ST6GALNAC3: variants seen among roughly 807,000 people sequenced by gnomAD.
ST6GALNAC3 encodes the protein ST6 N-acetylgalactosaminide alpha-2,6-sialyltransferase 3, also known as alpha-N-acetylgalactosaminide alpha-2,6-sialyltransferase 3.
ST6GALNAC3 carries 25 observed loss-of-function variants against 32.7 expected under a neutral mutation model. The observed-to-expected ratio is 0.76, with a 90% confidence interval of 0.56 to 1.07. ST6GALNAC3 has a LOEUF of 1.07. Ranked by LOEUF, ST6GALNAC3 falls within the 50% of genes least tolerant of loss-of-function variation. The probability of loss-of-function intolerance (pLI) is 0.00; values close to 1 mark genes in which losing one functional copy is unlikely to be tolerated. For missense variants in ST6GALNAC3, 355 were observed against 382.4 expected (o/e 0.93, Z 0.60); for synonymous variants, 129 against 133.1 (o/e 0.97, Z 0.21).
chr1:76,446,122 T>C (rs1015966574), intron 3 of ST6GALNAC3, among the ~76,000 whole-genome samples: 1 of 152,248 alleles, frequency 6.6e-6, no homozygotes, highest in African/African-American at 2.4e-5. Flanking sequence ...TGGTTACATT[T>C]ATTTTGTTGA....
intron 1 of ST6GALNAC3, among the ~76,000 whole-genome samples, chr1:76,229,379 C>G (rs1417579459): frequency 2.6e-5 from 4 of 152,242 alleles, no homozygotes; most frequent in Non-Finnish European, 5.9e-5. Flanking sequence ...GACAGGATGC[C>G]CCACTTCCTG....
chr1:76,436,281 T>C (rs1352468829), intron 3 of ST6GALNAC3, among the ~76,000 whole-genome samples: 1 of 152,136 alleles, frequency 6.6e-6, no homozygotes, highest in Non-Finnish European at 1.5e-5. Flanking sequence ...GACAGCTGAT[T>C]GAGGATGGCA....
intron 2 of ST6GALNAC3, among the ~76,000 whole-genome samples, chr1:76,337,496 G>T (rs988522742): frequency 2.0e-5 from 3 of 152,218 alleles, no homozygotes; most frequent in Middle Eastern, 3.4e-3. Context: ...CCATTCGGGG[G>T]TGTCTTCTTC....
intron 3 of ST6GALNAC3, among the ~76,000 whole-genome samples, chr1:76,566,802 G>C (rs1160278429): frequency 1.3e-5 from 2 of 152,144 alleles, no homozygotes. Flanking sequence ...TTACATGAGA[G>C]GAGGTTTGCT....
intron 3 of ST6GALNAC3, among the ~76,000 whole-genome samples, chr1:76,570,604 A>G (rs1479531158): frequency 6.6e-6 from 1 of 152,110 alleles, no homozygotes; most frequent in Non-Finnish European, 1.5e-5. Context: ...TTGATTCTTT[A>G]TACTAACACA....
intron 1 of ST6GALNAC3, among the ~76,000 whole-genome samples, chr1:76,180,119 T>C (rs1653084952): frequency 6.6e-6 from 1 of 152,234 alleles, no homozygotes; most frequent in Non-Finnish European, 1.5e-5. Flanking sequence ...ACATTTTGTT[T>C]ACTGCAGATC....
chr1:76,129,013 G>A (rs973893295), intron 1 of ST6GALNAC3, among the ~76,000 whole-genome samples: 1 of 152,186 alleles, frequency 6.6e-6, no homozygotes, highest in East Asian at 1.9e-4. Context: ...CACCTCTGCA[G>A]GAACACATTG....
At chr1:76,241,574 C>T (rs949296249) in intron 1 of ST6GALNAC3, among the ~76,000 whole-genome samples, 30 of 152,120 alleles carry the variant, frequency 2.0e-4, no homozygotes, top group Non-Finnish European at 5.9e-5. Flanking sequence ...CCATCTCCAA[C>T]ACTGGAGATG....
At chr1:76,432,527 TC>T (rs1180154089) in intron 3 of ST6GALNAC3, among the ~76,000 whole-genome samples, 1 of 136,486 alleles carries the variant, frequency 7.3e-6, no homozygotes, top group African/African-American at 2.7e-5. Flanking sequence ...CAAACATGGC[TC>T]GCTGAAGCCT....
At chr1:76,461,738 G>A (rs909594051) in intron 3 of ST6GALNAC3, among the ~76,000 whole-genome samples, 1 of 152,148 alleles carries the variant, frequency 6.6e-6, no homozygotes, top group Non-Finnish European at 1.5e-5. Flanking sequence ...CAGTGACCAC[G>A]TGTTATACTC....
chr1:76,577,818 T>C (rs1394430650), intron 3 of ST6GALNAC3, among the ~76,000 whole-genome samples: 9 of 152,066 alleles, frequency 5.9e-5, no homozygotes, highest in Admixed American at 5.9e-4. Context: ...TTCTGTTCAC[T>C]TGGAGAAAGA....
At chr1:76,194,947 T>C (rs1438022754) in intron 1 of ST6GALNAC3, among the ~76,000 whole-genome samples, 4 of 152,246 alleles carry the variant, frequency 2.6e-5, no homozygotes, top group Admixed American at 2.6e-4. Flanking sequence ...CTTGCATTGG[T>C]CATTTGAAAA....
At chr1:76,314,713 T>C (rs1646831948) in intron 2 of ST6GALNAC3, among the ~76,000 whole-genome samples, 1 of 152,136 alleles carries the variant, frequency 6.6e-6, no homozygotes, top group Admixed American at 6.6e-5. Context: ...CTTAATAAAA[T>C]TGTTTTCACT....
chr1:76,467,060 A>T (rs571027462), intron 3 of ST6GALNAC3, among the ~76,000 whole-genome samples: 1 of 152,066 alleles, frequency 6.6e-6, no homozygotes, highest in Non-Finnish European at 1.5e-5. Flanking sequence ...GAAAGTGTCA[A>T]GGATTCGGAG....
intron 1 of ST6GALNAC3, among the ~76,000 whole-genome samples, chr1:76,249,589 A>G (rs1657496687): frequency 6.6e-6 from 1 of 152,060 alleles, no homozygotes; most frequent in African/African-American, 2.4e-5. Context: ...ATTTATGTAC[A>G]GGTTTTGTGT....
intron 1 of ST6GALNAC3, among the ~76,000 whole-genome samples, chr1:76,256,558 T>A (rs2100714288): frequency 6.6e-6 from 1 of 152,086 alleles, no homozygotes; most frequent in East Asian, 1.9e-4. Flanking sequence ...TATAAGCCAA[T>A]TTTAAAATGA....
chr1:76,164,936 T>C (rs1652029744), intron 1 of ST6GALNAC3, among the ~76,000 whole-genome samples: 1 of 152,142 alleles, frequency 6.6e-6, no homozygotes. Context: ...CTAAAATGTG[T>C]GTGTGTGTTT....
At chr1:76,343,155 A>G (rs1648202550) in intron 2 of ST6GALNAC3, among the ~76,000 whole-genome samples, 1 of 152,156 alleles carries the variant, frequency 6.6e-6, no homozygotes, top group Non-Finnish European at 1.5e-5. Context: ...GCCTAGTCCA[A>G]TGTCTAGCAG....
At chr1:76,493,897 A>T (rs532149245) in intron 3 of ST6GALNAC3, among the ~76,000 whole-genome samples, 1 of 152,170 alleles carries the variant, frequency 6.6e-6, no homozygotes, top group Non-Finnish European at 1.5e-5. Flanking sequence ...CTCAGGGGAT[A>T]TGAACAGTTT....
Sources: gnomAD v4.1 joint callset for allele counts (sites outside exome capture counted in the v4.1 genomes callset) on GRCh38, gnomAD v4.1.1 for gene constraint, MANE v1.5 for transcripts, NCBI Gene and HGNC (gene_info 2026-07-23, HGNC 2026-07-21) for gene names.